Variants in XDH observed in about 807,000 individuals in gnomAD.
The protein encoded by XDH is xanthine dehydrogenase/oxidase.
A neutral mutation model predicts 156.1 loss-of-function variants in XDH; 138 were observed. That is an observed-to-expected ratio of 0.88 (90% CI 0.77 to 1.02). The LOEUF (loss-of-function observed/expected upper bound fraction) is 1.02. Ranked by LOEUF, XDH falls within the 50% of genes least tolerant of loss-of-function variation. The pLI is 0.00. For missense variants in XDH, 1,849 were observed against 1,684.9 expected (o/e 1.10, Z -1.71); for synonymous variants, 669 against 625.7 (o/e 1.07, Z -1.03).
chr2:31,374,159 T>G (rs1348116235), intron 15 of XDH, among the ~76,000 whole-genome samples: 1 of 152,222 alleles, frequency 6.6e-6, no homozygotes, highest in African/African-American at 2.4e-5. Context: ...GCTTCACTGC[T>G]AGCCCCCCAG....
rs1181313764 is a variant in XDH, at chr2:31,368,180, A to G, written c.2101-123T>C. 9 of 883,316 alleles carry G rather than the reference A, an allele frequency of 1.0e-5. No individual in the cohort carries two copies. In the East Asian group the frequency reaches 2.2e-4, roughly 22 times the overall value. The allele number at this position is 883,316 out of a possible 1,614,324, so 54.7% of individuals were successfully genotyped here. ...TCTCTTTCCATAAATGAATCTCTAT[A>G]TGCTTCACATACAGACTTGAAGTAA... On this transcript the variant is annotated intron_variant, in intron 19 of 35. Coordinates refer to ENST00000379416, the MANE Select transcript of XDH (RefSeq NM_000379.4).
intron 30 of XDH, 46 bp downstream of exon 30, chr2:31,346,723 A>G (rs1200724745): frequency 3.7e-6 from 6 of 1,609,310 alleles, no homozygotes; most frequent in African/African-American, 2.7e-5. Flanking sequence ...CCTGCTGTCA[A>G]TTTCCCTCTC....
rs45490193 is a variant in XDH at position 31,347,080 on chromosome 2, G to A, written c.3277-237C>T. 6.1e-3 allele frequency among the ~76,000 whole-genome samples: 935 copies of A among 152,262 alleles called. 1 individual carries two copies. Among genetic ancestry groups the A allele is most frequent in the Middle Eastern group, 0.014 (4 of 294 alleles). On this transcript the variant is annotated intron_variant, in intron 29 of 35. Coordinates refer to ENST00000379416, the MANE Select transcript of XDH (RefSeq NM_000379.4). ...GAGCACTTCCTGACTCAATTCTTAG[G>A]CTGACAGAGGGCGAAATGTTTGAGG...
intron 19 of XDH, among the ~76,000 whole-genome samples, chr2:31,368,333 C>T (rs1033521454): frequency 6.6e-6 from 1 of 152,172 alleles, no homozygotes; most frequent in African/African-American, 2.4e-5. Flanking sequence ...GAAGGAGGAA[C>T]TCAGTTTGGC....
chr2:31,350,298 G>A (rs1685433284), intron 24 of XDH, 75 bp from the exon 25 acceptor site: 1 of 1,531,902 alleles, frequency 6.5e-7, no homozygotes, highest in East Asian at 2.3e-5. Flanking sequence ...GAACTTTGAG[G>A]GCTGTATCCA....
At chr2:31,377,032 C>A in intron 14 of XDH, 21 bp downstream of exon 14, 1 of 1,614,014 alleles carries the variant, frequency 6.2e-7, no homozygotes, top group Non-Finnish European at 8.5e-7. Context: ...GCAGCAGTTT[C>A]ATTGTGCTGT....
chr2:31,368,647 C>T lies in XDH; in HGVS notation c.1994G>A (p.Gly665Glu). ...VFAKDKVTCVGHIIGAVVADT... is the reference protein window; with the variant it reads ...VFAKDKVTCVEHIIGAVVADT... Reference sequence around the variant, plus strand: ...AGCAACCACAGCACCAATGATATGCCCAACACAAGTAACCTAGTAGCAGAG... The same window carrying T: ...AGCAACCACAGCACCAATGATATGCTCAACACAAGTAACCTAGTAGCAGAG... Residue 665 changes from glycine to glutamate, a missense_variant, in exon 19 of 36, where the codon GGG (glycine) becomes GAG (glutamate). Coordinates refer to ENST00000379416, the MANE Select transcript of XDH (RefSeq NM_000379.4). 6.2e-7 allele frequency: 1 copy of T among 1,614,144 alleles called. No individual in the cohort carries two copies. Among genetic ancestry groups the T allele is most frequent in the South Asian group, 1.1e-5 (1 of 91,078 alleles).
Position 31,373,868 on chromosome 2 carries a change from C to T in XDH, c.1686+5G>A, listed in dbSNP as rs752815236. 6.2e-7 allele frequency: 1 copy of T among 1,613,702 alleles called. No homozygotes were observed. Among genetic ancestry groups the T allele is most frequent in the South Asian group, 1.1e-5 (1 of 91,036 alleles). On this transcript the variant is annotated splice_donor_5th_base_variant and intron_variant, in intron 16 of 35. Coordinates refer to ENST00000379416, the MANE Select transcript of XDH (RefSeq NM_000379.4). ...TGATATTAGCCATACACTGACCGTA[C>T]TCACTTGGAAGAGCTGGACATCGGC...
At chr2:31,407,364 C>T (rs139547508) in intron 1 of XDH, among the ~76,000 whole-genome samples, 10 of 152,100 alleles carry the variant, frequency 6.6e-5, no homozygotes, top group Admixed American at 3.3e-4. Flanking sequence ...GTGGAAGTGT[C>T]GCCTATGGAT....
intron 24 of XDH, among the ~76,000 whole-genome samples, chr2:31,359,200 G>A (rs1258887494): frequency 5.9e-5 from 9 of 151,934 alleles, no homozygotes; most frequent in Non-Finnish European, 1.0e-4. Context: ...AATATAAAAT[G>A]GTGTAGTCAC....
At chr2:31,384,315 T>G (rs1686524303) in intron 9 of XDH, 1 of 182,842 alleles carries the variant, frequency 5.5e-6, no homozygotes, top group South Asian at 1.2e-4. Flanking sequence ...TTAAGTTTCT[T>G]GCCCAAATCA....
At chr2:31,376,968 G>T in intron 14 of XDH, 85 bp downstream of exon 14, 2 of 1,506,890 alleles carry the variant, frequency 1.3e-6, no homozygotes, top group Non-Finnish European at 1.8e-6. Flanking sequence ...AATACTACTG[G>T]TAGTCATAGT....
At chr2:31,361,202 C>G (rs1182030630) in intron 24 of XDH, among the ~76,000 whole-genome samples, 2 of 152,212 alleles carry the variant, frequency 1.3e-5, no homozygotes, top group South Asian at 4.1e-4. Context: ...TTCCACTCAT[C>G]GTAACAGCCC....
chr2:31,344,349 G>A (rs1294970045), intron 31 of XDH, among the ~76,000 whole-genome samples: 1 of 152,184 alleles, frequency 6.6e-6, no homozygotes, highest in Non-Finnish European at 1.5e-5. Context: ...AGGGAGGAAT[G>A]GTTAGGTACT....
chr2:31,377,775 T>A (rs889233285), intron 13 of XDH, among the ~76,000 whole-genome samples: 1 of 150,240 alleles, frequency 6.7e-6, no homozygotes, highest in African/African-American at 2.5e-5. Flanking sequence ...ACGTCTGTAA[T>A]CCCAGAGGCC....
At chr2:31,344,565 A>G (rs1685227648) in intron 31 of XDH, 119 bp downstream of exon 31, 1 of 1,148,904 alleles carries the variant, frequency 8.7e-7, no homozygotes, top group Non-Finnish European at 1.3e-6. Flanking sequence ...AGTCTGTTGA[A>G]GAGATAAGTG....
chr2:31,365,557 G>A lies in XDH; in HGVS notation c.2457-13C>T, dbSNP rs368374124. 1.1e-5 allele frequency: 17 copies of A among 1,614,036 alleles called. No individual in the cohort carries two copies. The highest frequency in any genetic ancestry group is 1.7e-4 in the Middle Eastern group (1 of 6,060). On this transcript the variant is annotated splice_polypyrimidine_tract_variant and intron_variant, in intron 22 of 35. Coordinates refer to ENST00000379416, the MANE Select transcript of XDH (RefSeq NM_000379.4). ...AGGGCGGCCGGTCCTGGGGGTTACC[G>A]ACAGTGTTAGAAGCCTGTGAGCCTT...
chr2:31,367,952 C>G lies in XDH; in HGVS notation c.2197+9G>C, dbSNP rs1404948656. ...ACCCCATTCCCACTGCGGCATGGAA[C>G]AGCTCTACCTGACACAACATTATCT... On this transcript the variant is annotated intron_variant, in intron 20 of 35. Transcript: ENST00000379416. 3 of 1,614,048 alleles carry G rather than the reference C, an allele frequency of 1.9e-6. No individual in the cohort carries two copies. The highest frequency in any genetic ancestry group is 2.5e-6 in the Non-Finnish European group (3 of 1,179,900).
chr2:31,342,836 G>A (rs948817083), intron 31 of XDH, among the ~76,000 whole-genome samples: 1 of 152,156 alleles, frequency 6.6e-6, no homozygotes, highest in Non-Finnish European at 1.5e-5. Context: ...CAAATGATTT[G>A]AGGGAAATGA....
Sources: gnomAD v4.1 joint callset for allele counts (sites outside exome capture counted in the v4.1 genomes callset) on GRCh38, gnomAD v4.1.1 for gene constraint, MANE v1.5 for transcripts, NCBI Gene and HGNC (gene_info 2026-07-23, HGNC 2026-07-21) for gene names.